Variants in SOX5 observed in about 807,000 individuals in gnomAD.
The protein encoded by SOX5 is SRY-box transcription factor 5.
SOX5 carries 9 observed loss-of-function variants against 92.0 expected under a neutral mutation model. The observed-to-expected ratio is 0.10, with a 90% confidence interval of 0.06 to 0.17. The LOEUF is 0.17. Ranked by LOEUF, SOX5 falls within the 10% of genes least tolerant of loss-of-function variation. SOX5 has a pLI of 1.00. For missense variants in SOX5, 642 were observed against 944.5 expected (o/e 0.68, Z 4.20); for synonymous variants, 344 against 336.3 (o/e 1.02, Z -0.25).
chr12:24,383,140 A>C (rs1287083921), intron 1 of SOX5, among the ~76,000 whole-genome samples: 2 of 151,960 alleles, frequency 1.3e-5, no homozygotes, highest in Non-Finnish European at 2.9e-5. Context: ...CTGGTCACCA[A>C]CTCCTGGGTT....
chr12:24,497,438 C>T (rs1020504210), intron 1 of SOX5, among the ~76,000 whole-genome samples: 7 of 152,142 alleles, frequency 4.6e-5, no homozygotes, highest in African/African-American at 9.7e-5. Context: ...CTTCTGACAG[C>T]GAGGTGTAGA....
chr12:24,271,829 C>CA (rs1400153463), intron 3 of SOX5, among the ~76,000 whole-genome samples: 2 of 152,128 alleles, frequency 1.3e-5, no homozygotes, highest in African/African-American at 4.8e-5. Flanking sequence ...CTTGTCTATC[C>CA]ATGCAGGAAT....
At chr12:24,259,165 C>A (rs1594887296) in intron 3 of SOX5, among the ~76,000 whole-genome samples, 2 of 152,056 alleles carry the variant, frequency 1.3e-5, no homozygotes, top group South Asian at 4.1e-4. Flanking sequence ...ACTTGGCATT[C>A]TATATATTCA....
intron 3 of SOX5, among the ~76,000 whole-genome samples, chr12:23,776,111 A>T (rs2095090778): frequency 3.9e-5 from 6 of 152,238 alleles, no homozygotes; most frequent in Admixed American, 2.6e-4. Flanking sequence ...AGAAAATGAA[A>T]TTTATAAGTT....
chr12:23,722,454 T>C (rs1476130833), intron 6 of SOX5, among the ~76,000 whole-genome samples: 1 of 152,222 alleles, frequency 6.6e-6, no homozygotes, highest in Non-Finnish European at 1.5e-5. Flanking sequence ...GGCATCCATT[T>C]GGTCAAAGCT....
At chr12:24,356,846 T>C (rs1429943841) in intron 2 of SOX5, among the ~76,000 whole-genome samples, 1 of 152,238 alleles carries the variant, frequency 6.6e-6, no homozygotes, top group African/African-American at 2.4e-5. Flanking sequence ...ACTTAAGTAA[T>C]GGCAAATGAA....
chr12:24,357,310 C>T (rs1004188315), intron 2 of SOX5: 2 of 152,118 alleles, frequency 1.3e-5, no homozygotes, highest in Non-Finnish European at 2.9e-5. Context: ...TTGCTGCATG[C>T]CTTCAACAGC....
At chr12:23,780,298 T>TA (rs1221941854) in intron 3 of SOX5, among the ~76,000 whole-genome samples, 1 of 151,972 alleles carries the variant, frequency 6.6e-6, no homozygotes, top group East Asian at 1.9e-4. Flanking sequence ...CATCATTTTT[T>TA]AAAAAAAGGA....
chr12:23,982,974 T>C (rs2136183346), intron 4 of SOX5, among the ~76,000 whole-genome samples: 1 of 152,176 alleles, frequency 6.6e-6, no homozygotes, highest in East Asian at 1.9e-4. Flanking sequence ...AGGTGTGTCA[T>C]TCTCGGCCTT....
upstream of SOX5, among the ~76,000 whole-genome samples, chr12:23,955,115 C>T (rs1346492471): frequency 6.6e-6 from 1 of 151,928 alleles, no homozygotes; most frequent in Non-Finnish European, 1.5e-5. Context: ...TATTAATATG[C>T]CATATTTTCT....
At chr12:24,084,558 T>C (rs1467950231) in intron 4 of SOX5, among the ~76,000 whole-genome samples, 3 of 152,130 alleles carry the variant, frequency 2.0e-5, no homozygotes, top group Admixed American at 6.6e-5. Flanking sequence ...ATACATTTCA[T>C]TTCAGAATCC....
chr12:23,839,264 T>C (rs891629755), intron 3 of SOX5, among the ~76,000 whole-genome samples: 2 of 152,100 alleles, frequency 1.3e-5, no homozygotes, highest in African/African-American at 4.8e-5. Context: ...CACTTCCAAA[T>C]TAAGAGTCTA....
intron 2 of SOX5, among the ~76,000 whole-genome samples, chr12:24,282,364 AAATC>A (rs1565820781): frequency 6.6e-6 from 1 of 151,388 alleles, no homozygotes. Context: ...TAATAAAAAT[AAATC>A]AATAAATAAA....
At chr12:24,436,672 G>A (rs548733524) in intron 1 of SOX5, among the ~76,000 whole-genome samples, 4 of 152,070 alleles carry the variant, frequency 2.6e-5, no homozygotes, top group Non-Finnish European at 4.4e-5. Flanking sequence ...GACTGATGAC[G>A]GGGGCTACAC....
rs187430384 is a variant in SOX5, at chr12:24,200,381, C to T, written c.-2+12962G>A. Among the ~76,000 whole-genome samples the T allele has an allele frequency of 5.3e-5, 8 of 152,258 alleles. No individual in the cohort carries two copies. The East Asian group carries it at 1.4e-3, about 26-fold the overall frequency. On this transcript the variant is annotated intron_variant, in intron 4 of 4. Transcript: ENST00000446891. ...TAAGTTCTGTAAGATCTTTATAATA[C>T]ATCTTAAGTCTTTTATAAATCTTGG...
intron 2 of SOX5, among the ~76,000 whole-genome samples, chr12:23,882,096 G>A (rs1182632392): frequency 6.6e-6 from 1 of 152,122 alleles, no homozygotes; most frequent in Non-Finnish European, 1.5e-5. Flanking sequence ...TCCTCAGTAG[G>A]TGTGTCAGTT....
chr12:23,816,713 A>G (rs2096002683), intron 3 of SOX5, among the ~76,000 whole-genome samples: 2 of 152,172 alleles, frequency 1.3e-5, no homozygotes, highest in African/African-American at 4.8e-5. Context: ...AATGTCATAA[A>G]AGGGTGATGC....
chr12:23,548,643 A>AT (rs965118100), intron 11 of SOX5, among the ~76,000 whole-genome samples: 93 of 151,952 alleles, frequency 6.1e-4, no homozygotes, highest in Admixed American at 2.7e-3. Flanking sequence ...ACGTTGCCAC[A>AT]TTTTTTTTAA....
At chr12:23,597,907 A>G (rs1333430501) in intron 9 of SOX5, among the ~76,000 whole-genome samples, 3 of 152,250 alleles carry the variant, frequency 2.0e-5, no homozygotes, top group Non-Finnish European at 4.4e-5. Context: ...TGCGGTTATA[A>G]TTAGCTGAGG....
Sources: allele counts gnomAD v4.1 joint callset (sites outside exome capture counted in the v4.1 genomes callset), GRCh38; gene constraint gnomAD v4.1.1; transcripts MANE v1.5; gene names NCBI Gene and HGNC (gene_info 2026-07-23, HGNC 2026-07-21).